C19orf47: variants seen among roughly 807,000 people sequenced by gnomAD.
The protein encoded by C19orf47 is uncharacterized protein C19orf47.
In C19orf47, 18 loss-of-function variants were observed where a neutral mutation model predicts 32.3. The ratio of observed to expected loss-of-function variants is 0.56; its 90% confidence interval spans 0.39 to 0.83. The LOEUF (loss-of-function observed/expected upper bound fraction) is 0.83, where lower values mean the gene tolerates loss of function less well. Ranked by LOEUF, C19orf47 falls within the 40% of genes least tolerant of loss-of-function variation. C19orf47 has a pLI of 0.00. For missense variants in C19orf47, 484 were observed against 531.6 expected (o/e 0.91, Z 0.88); for synonymous variants, 202 against 211.1 (o/e 0.96, Z 0.37).
chr19:40,338,505 C>A (rs1419583972), intron 2 of C19orf47, among the ~76,000 whole-genome samples: 2 of 151,956 alleles, frequency 1.3e-5, no homozygotes, highest in Admixed American at 1.3e-4. Context: ...CTGCCTCAGC[C>A]TCCTGAGTAG....
chr19:40,294,213 T>G, the C19orf47 span, among the ~76,000 whole-genome samples: 2 of 152,182 alleles, frequency 1.3e-5, no homozygotes, highest in African/African-American at 4.8e-5. Context: ...CTAGGACTGC[T>G]TCAGCAGCAG....
intron 5 of C19orf47, among the ~76,000 whole-genome samples, chr19:40,331,172 C>A (rs1022028430): frequency 7.2e-5 from 11 of 152,228 alleles, no homozygotes; most frequent in Admixed American, 2.0e-4. Flanking sequence ...CTTTGGCCAA[C>A]AGGACAAGAG....
intron 2 of C19orf47, among the ~76,000 whole-genome samples, chr19:40,340,975 CAAAAA>C (rs34578402): frequency 9.7e-6 from 1 of 102,904 alleles, no homozygotes; most frequent in Non-Finnish European, 1.9e-5. Flanking sequence ...GAGCCTGTCT[CAAAAA>C]AAAAAAAAAA....
chr19:40,316,448 G>T (rs1465621281), downstream of C19orf47, among the ~76,000 whole-genome samples: 1 of 152,178 alleles, frequency 6.6e-6, no homozygotes, highest in Non-Finnish European at 1.5e-5. Flanking sequence ...TCCGTTTATG[G>T]GATGAGAATA....
At chr19:40,326,573 CCA>C in intron 6 of C19orf47, 87 bp from the exon 7 acceptor site, 1 of 1,458,152 alleles carries the variant, frequency 6.9e-7, no homozygotes, top group African/African-American at 1.4e-5. Flanking sequence ...TCCTTTATCT[CCA>C]CACATTCATG....
At chr19:40,339,145 T>A (rs2078127779) in intron 2 of C19orf47, 2 of 153,060 alleles carry the variant, frequency 1.3e-5, no homozygotes, top group South Asian at 4.1e-4. Context: ...TAAAGACCAA[T>A]CAGTTCCTAG....
Position 40,319,725 on chromosome 19 carries a change from A to C in C19orf47, c.*2157T>G, listed in dbSNP as rs988470421. On this transcript the variant is annotated 3_prime_UTR_variant, in exon 9 of 9. Transcript: ENST00000683109. ...GCTAATTTTTGTATTTTTAGTAGAG[A>C]CGGGGTTTCACCATCTTGGCCAGGC... 1 of 153,064 alleles carries C rather than the reference A, an allele frequency of 6.5e-6. No homozygotes were observed. Among genetic ancestry groups the C allele is most frequent in the African/African-American group, 2.4e-5 (1 of 41,324 alleles). 9.5% of individuals were successfully genotyped at this position (153,064 alleles called of 1,614,324 possible). A position where few individuals can be genotyped will look rare whatever the true frequency, so the allele number is the denominator to read the frequency against.
intron 8 of C19orf47, among the ~76,000 whole-genome samples, chr19:40,323,184 A>T (rs913969373): frequency 1.8e-4 from 27 of 152,334 alleles, no homozygotes; most frequent in South Asian, 4.1e-4. Context: ...GAAGTGAGCA[A>T]GCCCGAGTTG....
Position 40,326,458 on chromosome 19 carries a change from G to A in C19orf47, c.468C>T (p.Ser156=), listed in dbSNP as rs774404064. ...TAALARREEE[S]LAVPAKRRRV... ...GGCGCCGCTTGGCAGGAACAGCCAGGCTCTCCTCCTCCCGGCGGGCCAGGG... is the reference window on the plus strand; with the variant it reads ...GGCGCCGCTTGGCAGGAACAGCCAGACTCTCCTCCTCCCGGCGGGCCAGGG... The change falls in exon 7 of 9, where the codon AGC becomes AGT. Residue 156 remains serine, a synonymous_variant. Coordinates refer to ENST00000683109, the MANE Select transcript of C19orf47 (RefSeq NM_001256441.2). 1 of 1,613,996 alleles carries A rather than the reference G, an allele frequency of 6.2e-7. No individual in the cohort carries two copies. The highest frequency in any genetic ancestry group is 1.1e-5 in the South Asian group (1 of 91,084).
intron 4 of C19orf47, among the ~76,000 whole-genome samples, chr19:40,335,808 A>C (rs2078052580): frequency 6.6e-6 from 1 of 152,068 alleles, no homozygotes; most frequent in Admixed American, 6.6e-5. Flanking sequence ...ACGGGGTTTC[A>C]CCGTGTTAGC....
At chr19:40,297,081 G>A in the C19orf47 span, among the ~76,000 whole-genome samples, 1 of 152,138 alleles carries the variant, frequency 6.6e-6, no homozygotes. Context: ...TGCTTTTCAA[G>A]TTCACATGAC....
At chr19:40,307,873 A>G in the C19orf47 span, among the ~76,000 whole-genome samples, 1 of 150,864 alleles carries the variant, frequency 6.6e-6, no homozygotes, top group East Asian at 2.0e-4. Flanking sequence ...ATTTTGGCTC[A>G]CTGCAACTCC....
At chr19:40,340,523 A>G (rs1229754053) in intron 2 of C19orf47, among the ~76,000 whole-genome samples, 3 of 151,814 alleles carry the variant, frequency 2.0e-5, no homozygotes, top group African/African-American at 7.3e-5. Flanking sequence ...TCTACTAAAA[A>G]TACAAAAATT....
At chr19:40,326,544 G>A (rs2077834666) in intron 6 of C19orf47, 58 bp from the exon 7 acceptor site, 2 of 1,575,916 alleles carry the variant, frequency 1.3e-6, no homozygotes, top group South Asian at 1.1e-5. Context: ...CTCCCAGGAT[G>A]GAAGCTGGAC....
At chr19:40,334,655 C>T (rs992294435) in intron 4 of C19orf47, among the ~76,000 whole-genome samples, 18 of 152,154 alleles carry the variant, frequency 1.2e-4, no homozygotes, top group African/African-American at 4.1e-4. Context: ...GGCTGAGGTA[C>T]GAGAATCTCT....
At chr19:40,329,105 T>G (rs182672529) in intron 5 of C19orf47, among the ~76,000 whole-genome samples, 1 of 152,112 alleles carries the variant, frequency 6.6e-6, no homozygotes, top group East Asian at 1.9e-4. Context: ...TTCACAGCCC[T>G]TACAACTGCT....
chr19:40,327,277 G>A (rs2077852236), intron 6 of C19orf47, among the ~76,000 whole-genome samples: 1 of 148,828 alleles, frequency 6.7e-6, no homozygotes. Context: ...GCCTCCCAAA[G>A]TTCTGGGATT....
the C19orf47 span, among the ~76,000 whole-genome samples, chr19:40,312,524 G>T: frequency 6.6e-6 from 1 of 151,028 alleles, no homozygotes; most frequent in African/African-American, 2.4e-5. Flanking sequence ...CAGCCTGGGC[G>T]ACAGAGCGAG....
rs531325280 is a variant in C19orf47, at chr19:40,335,991, G to A, written c.222+119C>T. On this transcript the variant is annotated intron_variant, in intron 4 of 8. Coordinates refer to ENST00000683109, the MANE Select transcript of C19orf47 (RefSeq NM_001256441.2). ...GCCCAGCGTCACACAGCAAATGGCT[G>A]AACCAGCCCTGGAACCTGGGTCGGC... 21 of 815,782 alleles carry A rather than the reference G, an allele frequency of 2.6e-5. 1 individual carries two copies. The Admixed American group carries it at 4.0e-4, about 16-fold the overall frequency. 50.5% of individuals were successfully genotyped at this position (815,782 alleles called of 1,614,324 possible).
Sources: gnomAD v4.1 joint callset for allele counts (sites outside exome capture counted in the v4.1 genomes callset) on GRCh38, gnomAD v4.1.1 for gene constraint, MANE v1.5 for transcripts, NCBI Gene and HGNC (gene_info 2026-07-23, HGNC 2026-07-21) for gene names.